Variants in GRTP1 observed in about 807,000 individuals in gnomAD.
The protein encoded by GRTP1 is growth hormone-regulated TBC protein 1.
A neutral mutation model predicts 38.1 loss-of-function variants in GRTP1; 56 were observed. The observed-to-expected ratio is 1.47, with a 90% confidence interval of 1.19 to 1.84. GRTP1 has a LOEUF of 1.84. GRTP1 is among the 40% of genes most tolerant of loss of function. The probability of loss-of-function intolerance (pLI) is 0.00; values close to 1 mark genes in which losing one functional copy is unlikely to be tolerated. For missense variants in GRTP1, 506 were observed against 453.9 expected (o/e 1.11, Z -1.04); for synonymous variants, 217 against 189.5 (o/e 1.14, Z -1.19).
At chr13:113,352,096 C>G (rs1379079355) in intron 3 of GRTP1, 6 of 115,692 alleles carry the variant, frequency 5.2e-5, no homozygotes, top group African/African-American at 1.7e-4. Flanking sequence ...TACAAAAGAG[C>G]CTTTTTTTTT....
intron 5 of GRTP1, among the ~76,000 whole-genome samples, chr13:113,328,678 C>T (rs899809688): frequency 6.6e-6 from 1 of 152,190 alleles, no homozygotes; most frequent in Non-Finnish European, 1.5e-5. Flanking sequence ...CACCACCACA[C>T]CCAGCTAATT....
chr13:113,347,461 T>TCTGTGGACAAGAGCAGACCCGGGAGGAC (rs2043172438), intron 4 of GRTP1, among the ~76,000 whole-genome samples: 1 of 44,404 alleles, frequency 2.3e-5, no homozygotes, highest in Admixed American at 2.0e-4. Context: ...CCCAGGAGGA[T>TCTGTGGACAAGAGCAGACCCGGGAGGAC]CTCTGTGGCC....
chr13:113,324,764 CTT>C, intron 7 of GRTP1, 187 bp from the exon 8 acceptor site: 1 of 1,350,368 alleles, frequency 7.4e-7, no homozygotes, highest in Non-Finnish European at 9.5e-7. Flanking sequence ...AGGACTGCAG[CTT>C]TGCTGCTCAG....
intron 4 of GRTP1, among the ~76,000 whole-genome samples, chr13:113,347,263 TGA>T (rs1315275911): frequency 3.6e-4 from 4 of 10,962 alleles, no homozygotes; most frequent in Admixed American, 1.3e-3. Flanking sequence ...CCTCTGTGGC[TGA>T]GAGCAGACCC....
Position 113,324,468 on chromosome 13 carries a change from A to G in GRTP1, c.*20T>C. 6.3e-7 allele frequency: 1 copy of G among 1,588,586 alleles called. No individual in the cohort carries two copies. Among genetic ancestry groups the G allele is most frequent in the Non-Finnish European group, 8.6e-7 (1 of 1,167,846 alleles). ...GGGCATCGTCAGTGTAGAGACGAGC[A>G]ACGCAGGGGACAGGCACGCTCACCC... On this transcript the variant is annotated 3_prime_UTR_variant, in exon 8 of 8. Coordinates refer to ENST00000375431, the MANE Select transcript of GRTP1 (RefSeq NM_024719.4).
chr13:113,334,471 G>A (rs562145428), intron 5 of GRTP1, among the ~76,000 whole-genome samples: 37 of 152,284 alleles, frequency 2.4e-4, no homozygotes, highest in Non-Finnish European at 4.4e-4. Context: ...AGTCGTGCGC[G>A]GAAACAGTTT....
chr13:113,363,426 C>T (rs1257086372), intron 2 of GRTP1, among the ~76,000 whole-genome samples: 1 of 151,934 alleles, frequency 6.6e-6, no homozygotes, highest in African/African-American at 2.4e-5. Context: ...AGGCTGGTCT[C>T]AAACTCCTGA....
In GRTP1 at chr13:113,343,271, A is replaced by T. The variant is rs539243452; in HGVS notation, c.562+1592T>A. The stretch of plus-strand genomic sequence containing the variant: ...ACCATTCCACCTGGTCCAGGTGTTC[A>T]CCGAACTGAGCTGAGACAGCCGGCA... On this transcript the variant is annotated intron_variant, in intron 5 of 7. Coordinates refer to ENST00000375431, the MANE Select transcript of GRTP1 (RefSeq NM_024719.4). This position sits in a 1 kb window ranked among gnomAD's most constrained non-coding sequence, Gnocchi z 4.8. Among the ~76,000 whole-genome samples, 1 of 151,852 alleles carries T rather than the reference A, an allele frequency of 6.6e-6. No individual in the cohort carries two copies. Among genetic ancestry groups the T allele is most frequent in the African/African-American group, 2.4e-5 (1 of 41,310 alleles).
At chr13:113,351,122 G>C in intron 3 of GRTP1, 149 bp from the exon 4 acceptor site, 1 of 950,622 alleles carries the variant, frequency 1.1e-6, no homozygotes. Context: ...AACACAGCCA[G>C]AGCGACAGGC....
Position 113,325,932 on chromosome 13 carries a change from A to G in GRTP1, c.722T>C (p.Ile241Thr), listed in dbSNP as rs1467257609. 6.2e-7 allele frequency: 1 copy of G among 1,613,754 alleles called. No individual in the cohort carries two copies. The highest frequency in any genetic ancestry group is 8.5e-7 in the Non-Finnish European group (1 of 1,179,934). The stretch of plus-strand genomic sequence containing the variant: ...TGAGGCGCTCACCTCCACGGGCAAG[A>G]TGTCCACAAACAGGCAGATGAACCA... ...SRWFICLFVD[I>T]LPVETVLRIW... Residue 241 changes from isoleucine to threonine, a missense_variant, in exon 6 of 8, where the codon ATC (isoleucine) becomes ACC (threonine). By Grantham distance (89) the Ile-to-Thr change is moderately conservative. Coordinates refer to ENST00000375431, the MANE Select transcript of GRTP1 (RefSeq NM_024719.4).
At position 113,332,605 on chromosome 13, in the gene GRTP1, G is replaced by A. The variant is rs530007552; in HGVS notation, c.563-6514C>T. Among the ~76,000 whole-genome samples, 18 of 152,288 alleles carry A rather than the reference G, an allele frequency of 1.2e-4. No homozygotes were observed. In the South Asian group the frequency reaches 3.7e-3, roughly 32 times the overall value. On this transcript the variant is annotated intron_variant, in intron 5 of 7. Transcript: ENST00000375431. The stretch of plus-strand genomic sequence containing the variant: ...ACCTCCCAGTTCCCAGATCCCACCC[G>A]ACGGTCTTCAAGCACTCCGTAAGGA...
chr13:113,329,241 A>G (rs2042820755), intron 5 of GRTP1, among the ~76,000 whole-genome samples: 1 of 152,216 alleles, frequency 6.6e-6, no homozygotes, highest in South Asian at 2.1e-4. Context: ...TCCACGCATA[A>G]CACACTCTGC....
At chr13:113,339,134 G>A (rs1370955448) in intron 5 of GRTP1, among the ~76,000 whole-genome samples, 2 of 151,934 alleles carry the variant, frequency 1.3e-5, no homozygotes, top group African/African-American at 2.4e-5. Context: ...GGCTGGTCTC[G>A]AACTCCTGAC....
chr13:113,362,144 G>A (rs567706829), intron 2 of GRTP1, among the ~76,000 whole-genome samples: 65 of 151,900 alleles, frequency 4.3e-4, no homozygotes, highest in Admixed American at 1.5e-3. Flanking sequence ...GTGAGACTCC[G>A]TCTCAAAATA....
chr13:113,350,387 C>T (rs72665286), intron 4 of GRTP1, among the ~76,000 whole-genome samples: 5,809 of 151,948 alleles, frequency 0.038, 176 homozygotes, highest in East Asian at 0.055. Context: ...CCTCAGAGGA[C>T]GACACACACC....
chr13:113,325,753 TC>T lies in GRTP1; in HGVS notation c.828del (p.Ile277PhefsTer17), dbSNP rs1403637704. 2 of 1,614,156 alleles carry T rather than the reference TC, an allele frequency of 1.2e-6. No individual in the cohort carries two copies. Among genetic ancestry groups the T allele is most frequent in the South Asian group, 1.1e-5 (1 of 91,088 alleles). On this transcript the variant is annotated frameshift_variant, in exon 7 of 8. Coordinates refer to ENST00000375431, the MANE Select transcript of GRTP1 (RefSeq NM_024719.4). LOFTEE classifies it high-confidence loss of function. ...TCTGGAACGCTGGTGGCTTCCAAAATCAACTCCTGGTGCTGCTTAATTAAGG... is the reference window on the plus strand; with the variant it reads ...TCTGGAACGCTGGTGGCTTCCAAAATAACTCCTGGTGCTGCTTAATTAAGG... ...ALTLIKQHQE[L>X]ILEATSVPDI...
intron 7 of GRTP1, chr13:113,324,830 T>TTC: frequency 9.3e-6 from 2 of 214,926 alleles, no homozygotes; most frequent in South Asian, 3.1e-4. Flanking sequence ...TCCATTAGAC[T>TTC]TTTTTTTTTT....
intron 2 of GRTP1, among the ~76,000 whole-genome samples, chr13:113,359,379 A>AGT (rs1214937383): frequency 1.3e-5 from 2 of 152,330 alleles, no homozygotes; most frequent in Non-Finnish European, 1.5e-5. Context: ...GGCCAGGTGC[A>AGT]GTGGCTCATG....
chr13:113,363,355 G>C (rs559885032), intron 2 of GRTP1, among the ~76,000 whole-genome samples: 29 of 152,310 alleles, frequency 1.9e-4, no homozygotes, highest in African/African-American at 7.0e-4. Context: ...CTACAGGCAG[G>C]AGCCACCACG....
Sources: allele counts gnomAD v4.1 joint callset (sites outside exome capture counted in the v4.1 genomes callset), GRCh38; gene constraint gnomAD v4.1.1; non-coding constraint Gnocchi (gnomAD v3.1); transcripts MANE v1.5; gene names NCBI Gene and HGNC (gene_info 2026-07-23, HGNC 2026-07-21).